MGAT5: variants seen among roughly 807,000 people sequenced by gnomAD.
MGAT5 encodes alpha-1,6-mannosylglycoprotein 6-beta-N-acetylglucosaminyltransferase A.
Under a neutral mutation model 94.3 loss-of-function variants are expected in MGAT5, and 30 were observed. The observed-to-expected ratio is 0.32, with a 90% confidence interval of 0.24 to 0.43. The LOEUF (loss-of-function observed/expected upper bound fraction) is 0.43. Among genes scored for constraint, MGAT5 ranks in the 20% least tolerant of loss-of-function variants. The pLI, the probability that MGAT5 is intolerant of heterozygous loss-of-function variation, is 1.00. For missense variants in MGAT5, 691 were observed against 905.5 expected (o/e 0.76, Z 3.04); for synonymous variants, 310 against 322.9 (o/e 0.96, Z 0.43).
At chr2:134,122,322 G>A (rs1218106182) in intron 1 of MGAT5, among the ~76,000 whole-genome samples, 2 of 152,042 alleles carry the variant, frequency 1.3e-5, no homozygotes, top group Non-Finnish European at 2.9e-5. Context: ...CAGGCTGGTC[G>A]CGAACTCCTG....
At chr2:134,126,587 C>T (rs556301002) in intron 1 of MGAT5, among the ~76,000 whole-genome samples, 1 of 152,234 alleles carries the variant, frequency 6.6e-6, no homozygotes, top group Admixed American at 6.5e-5. Flanking sequence ...TATTGTTACT[C>T]TCTTTGGGGA....
chr2:134,376,441 T>C (rs1359985047), intron 10 of MGAT5, among the ~76,000 whole-genome samples: 1 of 152,202 alleles, frequency 6.6e-6, no homozygotes, highest in African/African-American at 2.4e-5. Flanking sequence ...TATTTTCTTA[T>C]TCTTAATGAT....
At chr2:134,193,286 C>T (rs1030807887) in intron 1 of MGAT5, among the ~76,000 whole-genome samples, 2 of 152,024 alleles carry the variant, frequency 1.3e-5, no homozygotes, top group African/African-American at 4.8e-5. Context: ...ACATGCCTAG[C>T]TACTTTATTT....
chr2:134,291,938 T>G (rs1220299104), intron 2 of MGAT5, among the ~76,000 whole-genome samples: 3 of 152,196 alleles, frequency 2.0e-5, no homozygotes, highest in Non-Finnish European at 4.4e-5. Context: ...ATTCTGGAAC[T>G]TTCCGTGACT....
intron 1 of MGAT5, among the ~76,000 whole-genome samples, chr2:134,148,701 A>G (rs992600608): frequency 3.3e-5 from 5 of 151,144 alleles, no homozygotes; most frequent in East Asian, 3.9e-4. Flanking sequence ...TTTCACTTCT[A>G]TCGTAGAGAA....
chr2:134,142,038 G>A (rs1235049871), intron 1 of MGAT5, among the ~76,000 whole-genome samples: 2 of 152,198 alleles, frequency 1.3e-5, no homozygotes, highest in Non-Finnish European at 2.9e-5. Flanking sequence ...GTCCCCAAGG[G>A]AGAGCAGGGG....
chr2:134,351,147 C>T (rs1371031685), intron 9 of MGAT5, among the ~76,000 whole-genome samples: 1 of 152,166 alleles, frequency 6.6e-6, no homozygotes, highest in Admixed American at 6.6e-5. Context: ...GTGTTGTATG[C>T]TTCATAAACA....
chr2:134,136,804 ACCT>A (rs1289920582), intron 1 of MGAT5, among the ~76,000 whole-genome samples: 2 of 151,944 alleles, frequency 1.3e-5, no homozygotes, highest in African/African-American at 2.4e-5. Context: ...TCAAGAGTTG[ACCT>A]CCTCCTGACT....
At chr2:134,331,889 C>T (rs369037912) in intron 4 of MGAT5, among the ~76,000 whole-genome samples, 2 of 151,980 alleles carry the variant, frequency 1.3e-5, no homozygotes, top group Non-Finnish European at 2.9e-5. Context: ...AGGAGAACTA[C>T]AAACCACTGC....
chr2:134,145,193 G>GGT lies in MGAT5; in HGVS notation c.-143+24913_-143+24914dup, dbSNP rs1348030305. On this transcript the variant is annotated intron_variant, in intron 1 of 16. Coordinates refer to the MGAT5 transcript ENST00000409645. ...TTCCAAGGAATTATAACCAAAGTAA[G>GGT]GTGTGTGTGTGTCTCTCTCTCTGTG... 2.8e-3 allele frequency among the ~76,000 whole-genome samples: 381 copies of GGT among 136,922 alleles called. 5 individuals carry two copies. In the East Asian group the frequency reaches 0.031, roughly 11 times the overall value. The allele number at this position is 136,922 out of a possible 152,430, so 89.8% of individuals were successfully genotyped here. A position where few individuals can be genotyped will look rare whatever the true frequency, so the allele number is the denominator to read the frequency against.
intron 1 of MGAT5, among the ~76,000 whole-genome samples, chr2:134,220,206 G>A (rs1036328225): frequency 3.3e-5 from 5 of 152,130 alleles, no homozygotes; most frequent in African/African-American, 9.7e-5. Context: ...GCTCTTCGAT[G>A]GAAAACTAGT....
Position 134,260,249 on chromosome 2 carries a change from C to T in MGAT5, c.241+5605C>T, listed in dbSNP as rs58954814. 4.3e-3 allele frequency among the ~76,000 whole-genome samples: 652 copies of T among 152,342 alleles called. 4 individuals are homozygous for T. Among genetic ancestry groups the T allele is most frequent in the African/African-American group, 0.015 (611 of 41,584 alleles). On this transcript the variant is annotated intron_variant, in intron 1 of 15. Coordinates refer to ENST00000281923, the MANE Select transcript of MGAT5 (RefSeq NM_002410.5). ...GCAGAAACCAGATGTTGACCTCACC[C>T]TATAGTTCACTGCTTTCTCTATGGG... is the stretch of plus-strand genomic sequence containing the variant.
At chr2:134,378,166 G>T (rs2106187474) in intron 10 of MGAT5, among the ~76,000 whole-genome samples, 1 of 152,350 alleles carries the variant, frequency 6.6e-6, no homozygotes, top group Middle Eastern at 3.4e-3. Flanking sequence ...TCAGTAGAAG[G>T]TGTGGAAAGA....
At chr2:134,272,683 G>A (rs939511989) in intron 2 of MGAT5, among the ~76,000 whole-genome samples, 12 of 152,126 alleles carry the variant, frequency 7.9e-5, no homozygotes, top group Admixed American at 6.5e-4. Context: ...AATCTTCTTA[G>A]CATCTCTGAG....
At chr2:134,263,599 G>A (rs1274640135) in intron 1 of MGAT5, among the ~76,000 whole-genome samples, 1 of 152,200 alleles carries the variant, frequency 6.6e-6, no homozygotes, top group African/African-American at 2.4e-5. Context: ...TCAGGAGCAG[G>A]CAAATTATCT....
At chr2:134,191,689 C>G (rs1301907221) in intron 1 of MGAT5, among the ~76,000 whole-genome samples, 1 of 145,412 alleles carries the variant, frequency 6.9e-6, no homozygotes, top group African/African-American at 2.5e-5. Context: ...CCTCCTCTTT[C>G]TCCTGGCGTG....
intron 1 of MGAT5, among the ~76,000 whole-genome samples, chr2:134,221,697 C>G (rs1047677946): frequency 6.6e-6 from 1 of 152,162 alleles, no homozygotes; most frequent in African/African-American, 2.4e-5. Flanking sequence ...CTTGTTATGC[C>G]AGAGTCAGAG....
Position 134,206,899 on chromosome 2 carries a change from T to TA in MGAT5, c.-142-47362dup, listed in dbSNP as rs1350915830. On this transcript the variant is annotated intron_variant, in intron 1 of 16. Transcript: ENST00000409645. ...CTACCCCTTCGCTTCTACCCAGTGA[T>TA]ACCAATTTCAGACATCTGGAGTCTG... Among the ~76,000 whole-genome samples the TA allele has an allele frequency of 2.6e-5, 4 of 152,236 alleles. No individual in the cohort carries two copies. The East Asian group carries it at 7.7e-4, about 29-fold the overall frequency.
At chr2:134,190,935 C>T (rs1420039610) in intron 1 of MGAT5, among the ~76,000 whole-genome samples, 1 of 152,170 alleles carries the variant, frequency 6.6e-6, no homozygotes, top group African/African-American at 2.4e-5. Flanking sequence ...AAGTGTGAGC[C>T]AGTGCACCCA....
Sources: allele counts gnomAD v4.1 joint callset (sites outside exome capture counted in the v4.1 genomes callset), GRCh38; gene constraint gnomAD v4.1.1; transcripts MANE v1.5; gene names NCBI Gene and HGNC (gene_info 2026-07-23, HGNC 2026-07-21).